CUBN: variants seen among roughly 807,000 people sequenced by gnomAD.
CUBN encodes cubilin.
Under a neutral mutation model 405.3 loss-of-function variants are expected in CUBN, and 282 were observed. The observed-to-expected ratio is 0.70, with a 90% CI of 0.63 to 0.77. The LOEUF (loss-of-function observed/expected upper bound fraction) is 0.77, where lower values mean the gene tolerates loss of function less well. CUBN is among the 30% of genes least tolerant of loss of function. The pLI is 0.00. For missense variants in CUBN, 4,514 were observed against 4,475.2 expected (o/e 1.01, Z -0.25); for synonymous variants, 1,684 against 1,617.0 (o/e 1.04, Z -0.99).
rs1842410033 is a variant in CUBN, at chr10:16,933,205, A to G, written c.6006T>C (p.Asn2002=). The G allele has an allele frequency of 1.2e-6, 2 of 1,614,024 alleles. No homozygotes were observed. Among genetic ancestry groups the G allele is most frequent in the Non-Finnish European group, 1.7e-6 (2 of 1,179,968 alleles). ...GGATGAGCCACGTACAGTCCACTCT[A>G]TTACTGTAACTGTCAGGCCAGCCCG... The part of the protein sequence containing the change: ...FSPGWPDSYS[N]RVDCTWLIQA... The change falls in exon 40 of 67, where the codon AAT becomes AAC. Residue 2002 remains asparagine (N), a synonymous_variant. Transcript: ENST00000377833.
chr10:16,828,722 TAAAAA>T, intron 66 of CUBN, 78 bp downstream of exon 66: 1 of 954,762 alleles, frequency 1.0e-6, no homozygotes, highest in Non-Finnish European at 1.6e-6. Flanking sequence ...GATTCCATCT[TAAAAA>T]AAAAAAAAGT....
chr10:16,904,437 A>C (rs1351326612), intron 50 of CUBN, among the ~76,000 whole-genome samples: 1 of 152,256 alleles, frequency 6.6e-6, no homozygotes, highest in Non-Finnish European at 1.5e-5. Context: ...ACTTTTGGAC[A>C]CACCTTTTGT....
At chr10:17,086,694 A>G (rs929092846) in intron 15 of CUBN, among the ~76,000 whole-genome samples, 1 of 152,216 alleles carries the variant, frequency 6.6e-6, no homozygotes, top group African/African-American at 2.4e-5. Context: ...GAGTCAATGA[A>G]CTAAAGAATA....
rs867236125 is a variant in CUBN at position 17,070,836 on chromosome 10, T to A, written c.2625+590A>T. On this transcript the variant is annotated intron_variant, in intron 19 of 66. Coordinates refer to ENST00000377833, the MANE Select transcript of CUBN (RefSeq NM_001081.4). ...AGAGAATTTTACTCGTTCCCTTTCA[T>A]TCTGGATGCATTTTATCTCTTCTCC... Among the ~76,000 whole-genome samples the A allele has an allele frequency of 4.9e-4, 74 of 152,304 alleles. 1 individual carries two copies. Among genetic ancestry groups the A allele is most frequent in the African/African-American group, 1.6e-3 (67 of 41,580 alleles).
chr10:17,076,416 C>T (rs898285706), intron 17 of CUBN, among the ~76,000 whole-genome samples: 3 of 151,060 alleles, frequency 2.0e-5, no homozygotes, highest in Non-Finnish European at 4.4e-5. Flanking sequence ...TCTAAAGTGA[C>T]CCTAGCTACC....
At chr10:17,123,281 A>G in intron 5 of CUBN, 1 of 475,594 alleles carries the variant, frequency 2.1e-6, no homozygotes, top group African/African-American at 1.9e-5. Flanking sequence ...TTGCATAGGT[A>G]TGTCAAGATT....
chr10:16,915,995 C>T lies in CUBN; in HGVS notation c.7036G>A (p.Val2346Ile). 2 of 1,614,102 alleles carry T rather than the reference C, an allele frequency of 1.2e-6. No individual in the cohort carries two copies. The highest frequency in any genetic ancestry group is 1.7e-6 in the Non-Finnish European group (2 of 1,180,014). The change falls in exon 46 of 67, where the codon GTT (valine) becomes ATT (isoleucine). Residue 2346 changes from valine to isoleucine, a missense_variant. By Grantham distance (29) the Val-to-Ile change is conservative. This residue lies in a region of CUBN where 1,613 missense variants were observed against 1,542.8 expected (regional missense o/e 1.05). Coordinates refer to ENST00000377833, the MANE Select transcript of CUBN (RefSeq NM_001081.4). ...CGGRVPGQSG[V>I]VESIGHPTLP... is the part of the protein sequence containing the mutation. ...GTTGGATGTCCAATGCTTTCAACAA[C>T]ACCACTTTGCCCTGGTACTCTTCCC...
chr10:16,898,395 G>A (rs1159656749), intron 54 of CUBN, among the ~76,000 whole-genome samples: 3 of 152,048 alleles, frequency 2.0e-5, no homozygotes, highest in Non-Finnish European at 4.4e-5. Flanking sequence ...ATGAATGGAG[G>A]GGCTAACGTG....
intron 48 of CUBN, among the ~76,000 whole-genome samples, chr10:16,908,595 T>C (rs1430042360): frequency 6.6e-6 from 1 of 152,234 alleles, no homozygotes; most frequent in African/African-American, 2.4e-5. Flanking sequence ...TTATTGACTC[T>C]AAAATATTAA....
At chr10:16,986,739 G>T (rs539929529) in intron 29 of CUBN, among the ~76,000 whole-genome samples, 1 of 151,812 alleles carries the variant, frequency 6.6e-6, no homozygotes, top group East Asian at 2.0e-4. Context: ...CCATTTTCAA[G>T]ATCTCCCTAC....
Position 17,064,725 on chromosome 10 carries a change from A to C in CUBN, c.3139+783T>G, listed in dbSNP as rs1588620068. The stretch of plus-strand genomic sequence containing the variant: ...TGCACAGGCTCTTGGGGCTGGGAGC[A>C]TCTCTGGTTCACATCTTACCTCAAA... On this transcript the variant is annotated intron_variant, in intron 22 of 66. Coordinates refer to ENST00000377833, the MANE Select transcript of CUBN (RefSeq NM_001081.4). Among the ~76,000 whole-genome samples, 3 of 152,314 alleles carry C rather than the reference A, an allele frequency of 2.0e-5. No individual in the cohort carries two copies. In the South Asian group the frequency reaches 6.2e-4, roughly 32 times the overall value.
intron 31 of CUBN, among the ~76,000 whole-genome samples, chr10:16,962,743 G>A (rs1843270480): frequency 6.6e-6 from 1 of 152,188 alleles, no homozygotes; most frequent in African/African-American, 2.4e-5. Flanking sequence ...AGGCCTGTGT[G>A]GCAGGGAGTC....
intron 3 of CUBN, among the ~76,000 whole-genome samples, chr10:17,127,300 C>CTGT (rs1837221518): frequency 7.5e-6 from 1 of 132,640 alleles, no homozygotes; most frequent in Admixed American, 8.7e-5. Context: ...AGGTCCCACT[C>CTGT]TGTTGCCTGG....
chr10:16,932,533 T>A (rs568274763), intron 40 of CUBN, among the ~76,000 whole-genome samples: 1 of 152,314 alleles, frequency 6.6e-6, no homozygotes, highest in East Asian at 1.9e-4. Context: ...CCCTTAACTC[T>A]ACCTATTCTA....
At chr10:16,907,416 A>G (rs1841582970) in intron 49 of CUBN, 92 bp downstream of exon 49, 2 of 1,317,366 alleles carry the variant, frequency 1.5e-6, no homozygotes, top group South Asian at 2.4e-5. Context: ...CACTAAAGGG[A>G]AAATGGATGG....
At chr10:16,848,926 A>G (rs1223875727) in intron 60 of CUBN, among the ~76,000 whole-genome samples, 4 of 151,768 alleles carry the variant, frequency 2.6e-5, no homozygotes, top group Admixed American at 6.6e-5. Context: ...CTTGTCTCAA[A>G]CTTCTGAGCT....
rs75578472 is a variant in CUBN, at chr10:17,059,033, T to C, written c.3139+6475A>G. On this transcript the variant is annotated intron_variant, in intron 22 of 66. Transcript: ENST00000377833. ...ATTTTTCCTATCCCCTAAATTCAAC[T>C]GAACTAGCAATGGAAAAGCACATCT... 0.013 allele frequency among the ~76,000 whole-genome samples: 2,048 copies of C among 151,774 alleles called. 145 individuals carry two copies. In the East Asian group the frequency reaches 0.19, roughly 14 times the overall value.
chr10:17,072,118 G>A, intron 17 of CUBN, 147 bp from the exon 18 acceptor site: 1 of 677,130 alleles, frequency 1.5e-6, no homozygotes, highest in East Asian at 2.8e-5. Flanking sequence ...TTCTAAAGCA[G>A]TAGGTCATTT....
At chr10:17,035,526 A>G (rs904023149) in intron 27 of CUBN, among the ~76,000 whole-genome samples, 3 of 152,172 alleles carry the variant, frequency 2.0e-5, no homozygotes, top group African/African-American at 7.2e-5. Context: ...ACTCTTTTCA[A>G]TGAACTTTTC....
Sources: allele counts gnomAD v4.1 joint callset (sites outside exome capture counted in the v4.1 genomes callset), GRCh38; gene constraint gnomAD v4.1.1; regional missense constraint gnomAD v4.1.1; transcripts MANE v1.5; gene names NCBI Gene and HGNC (gene_info 2026-07-23, HGNC 2026-07-21).